The following HIBCH variants were observed in gnomAD, a reference collection of about 807,000 sequenced individuals.
The protein encoded by HIBCH is 3-hydroxyisobutyryl-CoA hydrolase, mitochondrial.
A neutral mutation model predicts 58.2 loss-of-function variants in HIBCH; 50 were observed. That is an observed-to-expected ratio of 0.86 (90% confidence interval 0.68 to 1.09). The LOEUF is 1.09. HIBCH is among the 50% of genes least tolerant of loss of function. The probability of loss-of-function intolerance (pLI) is 0.00; values close to 1 mark genes in which losing one functional copy is unlikely to be tolerated. For missense variants in HIBCH, 450 were observed against 449.7 expected (o/e 1.00, Z -0.01); for synonymous variants, 151 against 146.9 (o/e 1.03, Z -0.20).
chr2:190,282,532 A>G (rs1001579615), intron 6 of HIBCH, among the ~76,000 whole-genome samples: 4 of 152,190 alleles, frequency 2.6e-5, no homozygotes, highest in Admixed American at 6.5e-5. Context: ...AAAGATACTA[A>G]TCCATCTTAA....
chr2:190,267,727 T>C (rs539957871), intron 6 of HIBCH, among the ~76,000 whole-genome samples: 2 of 152,304 alleles, frequency 1.3e-5, no homozygotes, highest in Non-Finnish European at 2.9e-5. Context: ...GATATTAAAA[T>C]GGTAAAAAGC....
At chr2:190,225,145 T>A (rs1685849940) in intron 11 of HIBCH, among the ~76,000 whole-genome samples, 1 of 152,112 alleles carries the variant, frequency 6.6e-6, no homozygotes, top group South Asian at 2.1e-4. Flanking sequence ...TTTATAGAAC[T>A]AAATGCCCAC....
At chr2:190,283,725 T>C (rs1361854504) in intron 6 of HIBCH, among the ~76,000 whole-genome samples, 1 of 152,174 alleles carries the variant, frequency 6.6e-6, no homozygotes, top group Non-Finnish European at 1.5e-5. Flanking sequence ...TGGGCATACC[T>C]GATGGAAGAA....
intron 1 of HIBCH, among the ~76,000 whole-genome samples, chr2:190,316,296 G>C (rs573483686): frequency 1.1e-4 from 16 of 152,092 alleles, no homozygotes; most frequent in South Asian, 1.0e-3. Flanking sequence ...ACACCTGGCT[G>C]ATTTTTAAAT....
chr2:190,285,423 C>T (rs571781679), intron 6 of HIBCH, among the ~76,000 whole-genome samples: 2 of 152,250 alleles, frequency 1.3e-5, no homozygotes, highest in Non-Finnish European at 2.9e-5. Flanking sequence ...GAGAGCTTTC[C>T]TTTTCCCCAG....
intron 1 of HIBCH, chr2:190,311,132 T>C (rs998149656): frequency 1.8e-5 from 8 of 443,448 alleles, no homozygotes; most frequent in African/African-American, 6.1e-5. Flanking sequence ...ACAAAAAAAA[T>C]TGGACGAAAC....
At chr2:190,288,166 T>A (rs148883384) in intron 5 of HIBCH, among the ~76,000 whole-genome samples, 1 of 11,756 alleles carries the variant, frequency 8.5e-5, no homozygotes, top group African/African-American at 2.2e-4. Context: ...CTTTTTTTTT[T>A]TTTTTTTTAA....
chr2:190,314,329 G>GTGTATATATATGTA (rs1688645255), intron 1 of HIBCH, among the ~76,000 whole-genome samples: 1 of 3,446 alleles, frequency 2.9e-4, no homozygotes. Flanking sequence ...ATGTATATAT[G>GTGTATATATATGTA]TATATATACA....
chr2:190,304,893 G>A lies in HIBCH; in HGVS notation c.78+5861C>T, dbSNP rs1400572523. 6.6e-6 allele frequency among the ~76,000 whole-genome samples: 1 copy of A among 152,062 alleles called. No homozygotes were observed. The highest frequency in any genetic ancestry group is 1.5e-5 in the Non-Finnish European group (1 of 68,006). Reference sequence around the variant, plus strand: ...AGGACGAATAATGTATCCCTGTGCTGGAATTTATAAGACACAGTATGCTTT... The same window carrying A: ...AGGACGAATAATGTATCCCTGTGCTAGAATTTATAAGACACAGTATGCTTT... On this transcript the variant is annotated intron_variant, in intron 2 of 13. Transcript: ENST00000359678. The surrounding 1 kb of genome is among the most constrained non-coding windows in gnomAD (Gnocchi z 4.1).
At chr2:190,259,127 G>T (rs773768419) in intron 7 of HIBCH, among the ~76,000 whole-genome samples, 1 of 151,964 alleles carries the variant, frequency 6.6e-6, no homozygotes, top group Non-Finnish European at 1.5e-5. Flanking sequence ...ATGAATTTTA[G>T]AATTGTTTTT....
intron 4 of HIBCH, among the ~76,000 whole-genome samples, chr2:190,293,279 C>T (rs1258457257): frequency 9.4e-6 from 1 of 106,590 alleles, no homozygotes; most frequent in Non-Finnish European, 1.9e-5. Flanking sequence ...TGGTGAAACC[C>T]TGTCTCTACT....
intron 7 of HIBCH, among the ~76,000 whole-genome samples, chr2:190,256,370 C>T (rs1686921349): frequency 6.7e-6 from 1 of 148,170 alleles, no homozygotes; most frequent in African/African-American, 2.6e-5. Context: ...GGGCACTGTG[C>T]AGAACACAAA....
At chr2:190,295,360 G>A (rs1472674828) in intron 3 of HIBCH, among the ~76,000 whole-genome samples, 3 of 152,108 alleles carry the variant, frequency 2.0e-5, no homozygotes, top group Non-Finnish European at 4.4e-5. Flanking sequence ...CTGGGGATTG[G>A]GAATTCCTTT....
At chr2:190,235,691 T>G (rs1686252797) in intron 11 of HIBCH, among the ~76,000 whole-genome samples, 1 of 152,200 alleles carries the variant, frequency 6.6e-6, no homozygotes, top group Non-Finnish European at 1.5e-5. Context: ...TTCCAAACAT[T>G]TGTCTAAGTA....
chr2:190,288,965 G>A (rs1232809450), intron 5 of HIBCH, among the ~76,000 whole-genome samples: 3 of 152,010 alleles, frequency 2.0e-5, no homozygotes, highest in Non-Finnish European at 4.4e-5. Flanking sequence ...ACAAAAATTA[G>A]CAGGGTGTGG....
At chr2:190,268,742 AT>A (rs538873748) in intron 6 of HIBCH, among the ~76,000 whole-genome samples, 4 of 152,176 alleles carry the variant, frequency 2.6e-5, no homozygotes, top group East Asian at 1.9e-4. Flanking sequence ...ACAAAAAGCA[AT>A]TTTTTTTAAC....
chr2:190,261,640 T>G (rs57343761), intron 6 of HIBCH, among the ~76,000 whole-genome samples: 3,707 of 152,098 alleles, frequency 0.024, 160 homozygotes, highest in African/African-American at 0.085. Flanking sequence ...TATATAAAAT[T>G]CACACTCTAT....
chr2:190,260,083 A>T (rs1215373866), intron 7 of HIBCH, among the ~76,000 whole-genome samples: 2 of 152,208 alleles, frequency 1.3e-5, no homozygotes, highest in Non-Finnish European at 2.9e-5. Flanking sequence ...CAAGAGAAAG[A>T]AATAAAAGGT....
chr2:190,285,126 C>T (rs1250168981), intron 6 of HIBCH, among the ~76,000 whole-genome samples: 1 of 152,184 alleles, frequency 6.6e-6, no homozygotes, highest in Non-Finnish European at 1.5e-5. Context: ...TTCTAATCTA[C>T]TGCCATTAAA....
Sources: allele counts gnomAD v4.1 joint callset (sites outside exome capture counted in the v4.1 genomes callset), GRCh38; gene constraint gnomAD v4.1.1; non-coding constraint Gnocchi (gnomAD v3.1); transcripts MANE v1.5; gene names NCBI Gene and HGNC (gene_info 2026-07-23, HGNC 2026-07-21).